DYNC1LI2: variants seen among roughly 807,000 people sequenced by gnomAD.
The protein encoded by DYNC1LI2 is cytoplasmic dynein 1 light intermediate chain 2.
DYNC1LI2 carries 19 observed loss-of-function variants against 57.8 expected under a neutral mutation model. The ratio of observed to expected loss-of-function variants is 0.33; its 90% CI spans 0.23 to 0.48. DYNC1LI2 has a LOEUF of 0.48. Among genes scored for constraint, DYNC1LI2 ranks in the 20% least tolerant of loss-of-function variants. DYNC1LI2 has a pLI of 0.99. For synonymous variants in DYNC1LI2, 256 were observed against 233.4 expected (o/e 1.10, Z -0.88); for missense variants, 470 against 604.2 (o/e 0.78, Z 2.33).
chr16:66,742,749 A>G (rs2017863591), intron 3 of DYNC1LI2, 81 bp from the exon 4 acceptor site: 13 of 1,456,952 alleles, frequency 8.9e-6, no homozygotes, highest in Non-Finnish European at 1.2e-5. Flanking sequence ...CATCAGGAAG[A>G]TCTTGAAGGT....
intron 12 of DYNC1LI2, among the ~76,000 whole-genome samples, chr16:66,725,179 A>AC (rs2017515882): frequency 1.7e-5 from 1 of 57,452 alleles, no homozygotes; most frequent in Non-Finnish European, 3.8e-5. Flanking sequence ...CATCTCTATC[A>AC]AAAAAAAAAA....
chr16:66,729,762 TA>T (rs1380309060), intron 8 of DYNC1LI2, among the ~76,000 whole-genome samples: 1 of 151,252 alleles, frequency 6.6e-6, no homozygotes, highest in Admixed American at 6.6e-5. Context: ...CTTTTTGCAT[TA>T]AAAAACACCT....
Position 66,751,088 on chromosome 16 carries a change from G to A in DYNC1LI2, c.181+185C>T, listed in dbSNP as rs1042802662. 6.6e-6 allele frequency among the ~76,000 whole-genome samples: 1 copy of A among 152,204 alleles called. No individual in the cohort carries two copies. The highest frequency in any genetic ancestry group is 1.5e-5 in the Non-Finnish European group (1 of 68,040). On this transcript the variant is annotated intron_variant, in intron 2 of 12. Coordinates refer to ENST00000258198, the MANE Select transcript of DYNC1LI2 (RefSeq NM_006141.3). The surrounding 1 kb of genome is among the most constrained non-coding windows in gnomAD (Gnocchi z 5.2). The stretch of plus-strand genomic sequence containing the variant: ...AAGCACCACTACGCTCTCCAAAGAG[G>A]GCAGCATCCCACCCTCAGGCGCTGG...
intron 5 of DYNC1LI2, among the ~76,000 whole-genome samples, chr16:66,735,117 T>C (rs1481809184): frequency 1.3e-5 from 2 of 151,564 alleles, no homozygotes; most frequent in Non-Finnish European, 2.9e-5. Flanking sequence ...TTTTCTTTTT[T>C]TTTTGAGACA....
In DYNC1LI2 at chr16:66,742,581, G is replaced by A; in HGVS notation, c.386C>T (p.Pro129Leu). 6.2e-7 allele frequency: 1 copy of A among 1,614,222 alleles called. No individual in the cohort carries two copies. The highest frequency in any genetic ancestry group is 1.1e-5 in the South Asian group (1 of 91,084). ...TGCAACAAAAATGACGAGGGTCTCT[G>A]GCAAGGATTCAGCAGAAACTGCAAA... The part of the protein sequence containing the change: ...LKFAVSAESL[P>L]ETLVIFVADM... Residue 129 changes from proline (P) to leucine (L), a missense_variant, in exon 4 of 13, where the codon CCA (proline) becomes CTA (leucine). Pro to Leu is a moderately conservative substitution (Grantham distance 98). Coordinates refer to ENST00000258198, the MANE Select transcript of DYNC1LI2 (RefSeq NM_006141.3).
In DYNC1LI2 at chr16:66,751,164, G is replaced by A. The variant is rs1368971186; in HGVS notation, c.181+109C>T. On this transcript the variant is annotated intron_variant, in intron 2 of 12. Transcript: ENST00000258198. This position sits in a 1 kb window ranked among gnomAD's most constrained non-coding sequence, Gnocchi z 5.2. ...GGCCAGGGCCGACGGTCCCTTTCCC[G>A]CCAGGCTGCGGGCAGGCGGCTGGAA... 9 of 1,301,484 alleles carry A rather than the reference G, an allele frequency of 6.9e-6. No individual in the cohort carries two copies. The highest frequency in any genetic ancestry group is 9.4e-6 in the Non-Finnish European group (9 of 958,776). 80.6% of individuals were successfully genotyped at this position (1,301,484 alleles called of 1,614,324 possible).
At chr16:66,729,842 C>T (rs976220254) in intron 8 of DYNC1LI2, among the ~76,000 whole-genome samples, 2 of 151,994 alleles carry the variant, frequency 1.3e-5, no homozygotes, top group Non-Finnish European at 2.9e-5. Context: ...AGTGCAGTGG[C>T]GCAATCTGGG....
Position 66,742,651 on chromosome 16 carries a change from C to A in DYNC1LI2, c.316G>T (p.Val106Leu), listed in dbSNP as rs774901981. The part of the protein sequence containing the change: ...EDRDDHTRCN[V>L]WILDGDLYHK... ...TACAAGTCTCCATCCAGAATCCACA[C>A]GTTGCAGCGCGTGTGATCTGAGAAA... The change falls in exon 4 of 13, where the codon GTG (valine) becomes TTG (leucine). Residue 106 changes from valine to leucine, a missense_variant. Val to Leu is a conservative substitution (Grantham distance 32, BLOSUM62 1). Transcript: ENST00000258198. 1.8e-5 allele frequency: 29 copies of A among 1,614,184 alleles called. No individual in the cohort carries two copies. The highest frequency in any genetic ancestry group is 2.3e-5 in the Non-Finnish European group (27 of 1,180,026).
At chr16:66,730,481 GC>G in intron 7 of DYNC1LI2, 1 of 333,286 alleles carries the variant, frequency 3.0e-6, no homozygotes, top group Non-Finnish European at 5.5e-6. Context: ...TCCACAGGCT[GC>G]CCCACTCAAA....
rs376019986 is a variant in DYNC1LI2, at chr16:66,751,473, C to G, written c.107+12G>C. ...GCCCCCCACGGCCCGGCCCGACCGC[C>G]CGCGGCCTCACCATAGGCTCTGGCC... On this transcript the variant is annotated intron_variant, in intron 1 of 12. Transcript: ENST00000258198. This position sits in a 1 kb window ranked among gnomAD's most constrained non-coding sequence, Gnocchi z 5.2. 1.4e-5 allele frequency: 23 copies of G among 1,586,268 alleles called. No homozygotes were observed. In the African/African-American group the frequency reaches 3.1e-4, roughly 21 times the overall value.
At position 66,751,547 on chromosome 16, in the gene DYNC1LI2, G is replaced by T. The variant is rs755357986; in HGVS notation, c.45C>A (p.Asn15Lys). ...CGCCGGCGGCCGCCACCGCGGGCCC[G>T]TTGGGACCTAGCAGCAGCTTCTTCT... ...GVEKKLLLGPNGPAVAAAGDL... is the reference protein window; with the variant it reads ...GVEKKLLLGPKGPAVAAAGDL... Residue 15 changes from asparagine (N) to lysine (K), a missense_variant, in exon 1 of 13, where the codon AAC (asparagine) becomes AAA (lysine). By Grantham distance (94) the Asn-to-Lys change is moderately conservative (BLOSUM62 0). Coordinates refer to ENST00000258198, the MANE Select transcript of DYNC1LI2 (RefSeq NM_006141.3). The surrounding 1 kb of genome is among the most constrained non-coding windows in gnomAD (Gnocchi z 5.2). 1.9e-6 allele frequency: 3 copies of T among 1,587,080 alleles called. No homozygotes were observed. Among genetic ancestry groups the T allele is most frequent in the South Asian group, 1.1e-5 (1 of 88,902 alleles).
At chr16:66,747,988 T>C (rs1236759906) in intron 3 of DYNC1LI2, among the ~76,000 whole-genome samples, 3 of 152,052 alleles carry the variant, frequency 2.0e-5, no homozygotes, top group African/African-American at 7.2e-5. Flanking sequence ...TTTGAATCAT[T>C]GAAAAGATCT....
At chr16:66,745,046 TTACAGGAGTGCACCACTA>T (rs1449673562) in intron 3 of DYNC1LI2, among the ~76,000 whole-genome samples, 7 of 151,780 alleles carry the variant, frequency 4.6e-5, no homozygotes, top group Non-Finnish European at 1.0e-4. Context: ...GTAGCTGGGA[TTACAGGAGTGCACCACTA>T]CGCCCAGCTA....
At position 66,723,589 on chromosome 16, in the gene DYNC1LI2, T is replaced by G. The variant is rs560450548; in HGVS notation, c.*133A>C. 15 of 764,236 alleles carry G rather than the reference T, an allele frequency of 2.0e-5. No homozygotes were observed. The highest frequency in any genetic ancestry group is 2.9e-5 in the Admixed American group (1 of 34,938). 47.3% of individuals were successfully genotyped at this position (764,236 alleles called of 1,614,324 possible). A position where few individuals can be genotyped will look rare whatever the true frequency, so the allele number is the denominator to read the frequency against. On this transcript the variant is annotated 3_prime_UTR_variant, in exon 13 of 13. Coordinates refer to ENST00000258198, the MANE Select transcript of DYNC1LI2 (RefSeq NM_006141.3). The stretch of plus-strand genomic sequence containing the variant: ...CACTCGGACAAGCCAATGAAGTTTT[T>G]TTTTTTTTTTTAAAGTTCATCTCCC...
chr16:66,740,800 A>C (rs898983439), intron 4 of DYNC1LI2, among the ~76,000 whole-genome samples: 30 of 152,218 alleles, frequency 2.0e-4, no homozygotes, highest in African/African-American at 6.3e-4. Flanking sequence ...AGCACAAAGG[A>C]GCAAGGTCCT....
chr16:66,727,549 A>G, intron 11 of DYNC1LI2, 139 bp downstream of exon 11: 1 of 737,808 alleles, frequency 1.4e-6, no homozygotes, highest in Non-Finnish European at 2.2e-6. Context: ...GGGGAAATGG[A>G]AAGTAGCCCT....
Position 66,751,162 on chromosome 16 carries a change from C to T in DYNC1LI2, c.181+111G>A. ...CCGGCCAGGGCCGACGGTCCCTTTC[C>T]CGCCAGGCTGCGGGCAGGCGGCTGG... On this transcript the variant is annotated intron_variant, in intron 2 of 12. Transcript: ENST00000258198. The surrounding 1 kb of genome is among the most constrained non-coding windows in gnomAD (Gnocchi z 5.2). 1 of 1,295,450 alleles carries T rather than the reference C, an allele frequency of 7.7e-7. No individual in the cohort carries two copies. The allele number at this position is 1,295,450 out of a possible 1,614,324, so 80.2% of individuals were successfully genotyped here.
intron 12 of DYNC1LI2, among the ~76,000 whole-genome samples, chr16:66,725,584 C>T (rs1488113360): frequency 6.6e-6 from 1 of 152,230 alleles, no homozygotes; most frequent in African/African-American, 2.4e-5. Flanking sequence ...CCTCAACTCA[C>T]CCAACACCCA....
At chr16:66,750,964 A>G (rs1158185340) in intron 2 of DYNC1LI2, among the ~76,000 whole-genome samples, 1 of 152,052 alleles carries the variant, frequency 6.6e-6, no homozygotes, top group African/African-American at 2.4e-5. Context: ...ACCTAATCTC[A>G]TCTACTAGCT....
Sources: allele counts gnomAD v4.1 joint callset (sites outside exome capture counted in the v4.1 genomes callset), GRCh38; gene constraint gnomAD v4.1.1; non-coding constraint Gnocchi (gnomAD v3.1); transcripts MANE v1.5; gene names NCBI Gene and HGNC (gene_info 2026-07-23, HGNC 2026-07-21).